COPS8: variants seen among roughly 807,000 people sequenced by gnomAD.
COPS8 encodes the protein COP9 signalosome subunit 8.
In COPS8, 11 loss-of-function variants were observed where a neutral mutation model predicts 31.5. The ratio of observed to expected loss-of-function variants is 0.35; its 90% CI spans 0.22 to 0.58. The LOEUF (loss-of-function observed/expected upper bound fraction) is 0.58, where lower values mean the gene tolerates loss of function less well. Ranked by LOEUF, COPS8 falls within the 20% of genes least tolerant of loss-of-function variation. The pLI is 0.83. For synonymous variants in COPS8, 81 were observed against 89.3 expected, an observed-to-expected ratio of 0.91 and a Z score of 0.52; for missense variants, 215 against 255.1, an observed-to-expected ratio of 0.84 and a Z score of 1.07.
intron 4 of COPS8, among the ~76,000 whole-genome samples, chr2:237,091,259 G>A (rs896530046): frequency 1.2e-4 from 18 of 152,162 alleles, no homozygotes; most frequent in African/African-American, 4.3e-4. Context: ...CGTACCATGC[G>A]GGAGTTTAAG....
intron 7 of COPS8, among the ~76,000 whole-genome samples, chr2:237,097,189 G>A (rs1276356542): frequency 6.7e-6 from 1 of 148,560 alleles, no homozygotes; most frequent in Non-Finnish European, 1.5e-5. Flanking sequence ...TTTAAATGTT[G>A]GAATGTAAAT....
intron 5 of COPS8, among the ~76,000 whole-genome samples, chr2:237,094,498 G>C (rs560798017): frequency 1.3e-5 from 2 of 152,164 alleles, no homozygotes; most frequent in Admixed American, 6.5e-5. Context: ...ATTTGATAAA[G>C]GCAGCATCAT....
intron 3 of COPS8, 94 bp from the exon 4 acceptor site, chr2:237,089,768 A>C: frequency 8.0e-7 from 1 of 1,248,182 alleles, no homozygotes; most frequent in African/African-American, 1.5e-5. Context: ...GTAGCTAACA[A>C]GTTTTTATAT....
At position 237,087,231 on chromosome 2, in the gene COPS8, G is replaced by A. The variant is rs531331663; in HGVS notation, c.149+34G>A. The A allele has an allele frequency of 1.7e-5, 26 of 1,497,620 alleles. No individual in the cohort carries two copies. The African/African-American group carries it at 3.2e-4, about 19-fold the overall frequency. The allele number at this position is 1,497,620 out of a possible 1,614,324, so 92.8% of individuals were successfully genotyped here. On this transcript the variant is annotated intron_variant, in intron 2 of 7. Transcript: ENST00000354371. ...GTTTAACCTAAAGCTAAGAGCAACA[G>A]GTTTCTCAAAGTTATATGGAAATAT...
At position 237,098,251 on chromosome 2, in the gene COPS8, A is replaced by T. The variant is rs184155017; in HGVS notation, c.*509A>T. On this transcript the variant is annotated 3_prime_UTR_variant, in exon 8 of 8. Coordinates refer to ENST00000354371, the MANE Select transcript of COPS8 (RefSeq NM_006710.5). ...TGAGAGCCACTAATGTAAGATACAG[A>T]AACATAGCTGAGGAACAAATAGACC... 2 of 154,028 alleles carry T rather than the reference A, an allele frequency of 1.3e-5. No homozygotes were observed. Among genetic ancestry groups the T allele is most frequent in the African/African-American group, 4.8e-5 (2 of 41,594 alleles). 9.5% of individuals were successfully genotyped at this position (154,028 alleles called of 1,614,324 possible). A position where few individuals can be genotyped will look rare whatever the true frequency, so the allele number is the denominator to read the frequency against.
chr2:237,095,626 G>A (rs1696786029), intron 5 of COPS8, among the ~76,000 whole-genome samples, 196 bp from the exon 6 acceptor site: 1 of 152,004 alleles, frequency 6.6e-6, no homozygotes, highest in African/African-American at 2.4e-5. Context: ...GTAAAATGAG[G>A]CTTTGATACC....
intron 4 of COPS8, among the ~76,000 whole-genome samples, chr2:237,091,473 G>C (rs1010206335): frequency 6.6e-6 from 1 of 152,192 alleles, no homozygotes; most frequent in Admixed American, 6.5e-5. Flanking sequence ...CAAATCTCCA[G>C]ATTCATGAAT....
chr2:237,087,288 G>C, intron 2 of COPS8, 91 bp downstream of exon 2: 1 of 793,264 alleles, frequency 1.3e-6, no homozygotes, highest in Non-Finnish European at 2.1e-6. Flanking sequence ...CTAAACATAG[G>C]CACAACGAGC....
intron 6 of COPS8, among the ~76,000 whole-genome samples, chr2:237,096,168 G>A (rs1696797391): frequency 6.6e-6 from 1 of 151,792 alleles, no homozygotes; most frequent in South Asian, 2.1e-4. Flanking sequence ...GGAGCCATTT[G>A]TAACTGAGCT....
chr2:237,096,876 A>G lies in COPS8; in HGVS notation c.550+7A>G. On this transcript the variant is annotated splice_region_variant and intron_variant, in intron 7 of 7. Coordinates refer to ENST00000354371, the MANE Select transcript of COPS8 (RefSeq NM_006710.5). Reference sequence around the variant, plus strand: ...AAGTTTATTCCCTTATCAGGTATGTATTTTCATATGCACATTTTTTAATGT... The same window carrying G: ...AAGTTTATTCCCTTATCAGGTATGTGTTTTCATATGCACATTTTTTAATGT... The G allele has an allele frequency of 6.3e-7, 1 of 1,595,218 alleles. No individual in the cohort carries two copies. Among genetic ancestry groups the G allele is most frequent in the Middle Eastern group, 1.7e-4 (1 of 5,776 alleles).
At chr2:237,097,061 G>T (rs1181892596) in intron 7 of COPS8, among the ~76,000 whole-genome samples, 192 bp downstream of exon 7, 1 of 152,168 alleles carries the variant, frequency 6.6e-6, no homozygotes, top group East Asian at 1.9e-4. Flanking sequence ...CTTGCCTTGA[G>T]GCGGTGCCCT....
intron 4 of COPS8, chr2:237,093,806 A>G: frequency 9.4e-7 from 1 of 1,059,800 alleles, no homozygotes; most frequent in Non-Finnish European, 1.1e-6. Context: ...GCATTTTCTT[A>G]GGGTTAGAGC....
intron 4 of COPS8, among the ~76,000 whole-genome samples, chr2:237,091,096 T>G (rs1256035844): frequency 1.3e-5 from 2 of 152,224 alleles, no homozygotes; most frequent in Admixed American, 1.3e-4. Flanking sequence ...TTGGCAGGAC[T>G]GGGCTTGGGA....
chr2:237,097,432 G>A (rs1696825523), intron 7 of COPS8, among the ~76,000 whole-genome samples: 1 of 152,104 alleles, frequency 6.6e-6, no homozygotes, highest in Non-Finnish European at 1.5e-5. Flanking sequence ...CATGAGACAT[G>A]CCTTTACTAG....
At chr2:237,087,618 A>G (rs111475167) in intron 2 of COPS8, 163 of 245,912 alleles carry the variant, frequency 6.6e-4, no homozygotes, top group African/African-American at 3.0e-3. Context: ...TCACGTTCAC[A>G]TGGAAAAGTC....
At chr2:237,093,169 G>A (rs1696737210) in intron 4 of COPS8, among the ~76,000 whole-genome samples, 1 of 152,180 alleles carries the variant, frequency 6.6e-6, no homozygotes, top group Non-Finnish European at 1.5e-5. Context: ...AGCCCCAGGG[G>A]GAGAAGGTGT....
At position 237,098,039 on chromosome 2, in the gene COPS8, A is replaced by G. The variant is rs1409238676; in HGVS notation, c.*297A>G. On this transcript the variant is annotated 3_prime_UTR_variant, in exon 8 of 8. Transcript: ENST00000354371. Reference sequence around the variant, plus strand: ...AATAAGATTTCCTGTTTCATGTAGAATAGTGTTTGTCAACTGTCTTTTCTC... The same window carrying G: ...AATAAGATTTCCTGTTTCATGTAGAGTAGTGTTTGTCAACTGTCTTTTCTC... 5 of 260,310 alleles carry G rather than the reference A, an allele frequency of 1.9e-5. No individual in the cohort carries two copies. The highest frequency in any genetic ancestry group is 3.7e-5 in the Non-Finnish European group (5 of 134,538). The allele number at this position is 260,310 out of a possible 1,614,324, so 16.1% of individuals were successfully genotyped here. A position where few individuals can be genotyped will look rare whatever the true frequency, so the allele number is the denominator to read the frequency against.
chr2:237,095,485 T>TA (rs1361583880), intron 5 of COPS8, among the ~76,000 whole-genome samples: 1 of 152,176 alleles, frequency 6.6e-6, no homozygotes, highest in African/African-American at 2.4e-5. Context: ...TTATTACTGA[T>TA]ATGATGGTCA....
At chr2:237,093,415 AG>A (rs1696741461) in intron 4 of COPS8, among the ~76,000 whole-genome samples, 1 of 152,220 alleles carries the variant, frequency 6.6e-6, no homozygotes, top group Non-Finnish European at 1.5e-5. Flanking sequence ...CCAGGGAGAA[AG>A]GCCAGCTGGT....
Sources: allele counts gnomAD v4.1 joint callset (sites outside exome capture counted in the v4.1 genomes callset), GRCh38; gene constraint gnomAD v4.1.1; transcripts MANE v1.5; gene names NCBI Gene and HGNC (gene_info 2026-07-23, HGNC 2026-07-21).